Variants in ACSL6 observed in about 807,000 individuals in gnomAD.
ACSL6 encodes the protein acyl-CoA synthetase long chain family member 6, also known as long-chain-fatty-acid--CoA ligase 6.
Under a neutral mutation model 98.2 loss-of-function variants are expected in ACSL6, and 47 were observed. The ratio of observed to expected loss-of-function variants is 0.48; its 90% CI spans 0.38 to 0.61. The LOEUF is 0.61. Among genes scored for constraint, ACSL6 ranks in the 20% least tolerant of loss-of-function variants. The pLI, the probability that ACSL6 is intolerant of heterozygous loss-of-function variation, is 0.00. For synonymous variants in ACSL6, 362 were observed against 336.9 expected (o/e 1.07, Z -0.82); for missense variants, 761 against 913.4 (o/e 0.83, Z 2.15).
rs146877567 is a variant in ACSL6, at chr5:131,959,175, T to A, written c.2031+361A>T. Among the ~76,000 whole-genome samples the A allele has an allele frequency of 2.0e-5, 3 of 152,272 alleles. No individual in the cohort carries two copies. In the East Asian group the frequency reaches 5.8e-4, roughly 29 times the overall value. On this transcript the variant is annotated intron_variant, in intron 20 of 20. Transcript: ENST00000651883. Reference sequence around the variant, plus strand: ...AGTGTCCTCCTAACAAGTAAACTTGTCTGCTGAAGCCAAGAAGACGGTCCC... The same window carrying A: ...AGTGTCCTCCTAACAAGTAAACTTGACTGCTGAAGCCAAGAAGACGGTCCC...
At chr5:131,979,785 G>A (rs1157681426) in intron 9 of ACSL6, among the ~76,000 whole-genome samples, 1 of 152,214 alleles carries the variant, frequency 6.6e-6, no homozygotes, top group Non-Finnish European at 1.5e-5. Context: ...TGCAATGTCA[G>A]TAAGAGATGC....
chr5:131,955,447 C>A (rs1405333295), intron 20 of ACSL6, among the ~76,000 whole-genome samples: 2 of 152,162 alleles, frequency 1.3e-5, no homozygotes, highest in African/African-American at 4.8e-5. Context: ...TCCTAAGAGA[C>A]CCAATATTTA....
At position 131,952,955 on chromosome 5, in the gene ACSL6, A is replaced by T. The variant is rs1169929427; in HGVS notation, c.*1279T>A. ...CTGCCTTGATATTCTTACTGGAAAA[A>T]AAGTGAAATTGTTCAGAATTACAAC... is the stretch of plus-strand genomic sequence containing the variant. On this transcript the variant is annotated 3_prime_UTR_variant, in exon 21 of 21. Transcript: ENST00000651883. 17 of 211,494 alleles carry T rather than the reference A, an allele frequency of 8.0e-5. 1 individual carries two copies. The Admixed American group carries it at 1.0e-3, about 12-fold the overall frequency. 13.1% of individuals were successfully genotyped at this position (211,494 alleles called of 1,614,324 possible).
chr5:131,968,258 T>C, intron 15 of ACSL6: 1 of 483,152 alleles, frequency 2.1e-6, no homozygotes, highest in South Asian at 2.7e-5. Context: ...CGATTCTTAA[T>C]AAGCAGGACA....
intron 1 of ACSL6, among the ~76,000 whole-genome samples, chr5:132,001,065 CA>C (rs1459715777): frequency 6.6e-6 from 1 of 152,230 alleles, no homozygotes; most frequent in Non-Finnish European, 1.5e-5. Context: ...GATCAGCCCA[CA>C]AAGTCACTTC....
chr5:131,971,669 C>A, intron 13 of ACSL6, 24 bp from the exon 14 acceptor site: 1 of 1,580,336 alleles, frequency 6.3e-7, no homozygotes, highest in East Asian at 2.2e-5. Flanking sequence ...GAAGAGCTGC[C>A]AAATTTTGTG....
chr5:132,008,351 T>C (rs557683573), intron 1 of ACSL6, among the ~76,000 whole-genome samples: 1 of 152,362 alleles, frequency 6.6e-6, no homozygotes, highest in Non-Finnish European at 1.5e-5. Context: ...TAGGCATCTA[T>C]AGCCAGGAGC....
intron 20 of ACSL6, 151 bp from the exon 21 acceptor site, chr5:131,954,522 A>G (rs917606438): frequency 5.5e-6 from 5 of 917,056 alleles, no homozygotes; most frequent in Non-Finnish European, 7.6e-6. Context: ...ATTTCAGCCT[A>G]TTTTACGTAT....
intron 1 of ACSL6, among the ~76,000 whole-genome samples, chr5:131,994,911 C>T (rs1469744171): frequency 6.6e-6 from 1 of 152,206 alleles, no homozygotes; most frequent in Non-Finnish European, 1.5e-5. Context: ...GGACAACTGG[C>T]CCCACCATAA....
intron 2 of ACSL6, among the ~76,000 whole-genome samples, chr5:131,992,566 G>A (rs1754582628): frequency 6.6e-6 from 1 of 152,122 alleles, no homozygotes. Flanking sequence ...GACCCACAAG[G>A]TGACTCACTC....
intron 1 of ACSL6, among the ~76,000 whole-genome samples, chr5:132,002,958 A>G (rs995713827): frequency 1.3e-5 from 2 of 152,182 alleles, no homozygotes; most frequent in Non-Finnish European, 2.9e-5. Flanking sequence ...TGGGGATGCA[A>G]AAGTGCCCCA....
At chr5:131,955,133 G>C (rs1454667751) in intron 20 of ACSL6, among the ~76,000 whole-genome samples, 3 of 152,108 alleles carry the variant, frequency 2.0e-5, no homozygotes, top group African/African-American at 7.2e-5. Context: ...GTTTTTGAGG[G>C]TATTTCTAGG....
chr5:131,991,454 C>A (rs1411756082), intron 2 of ACSL6, among the ~76,000 whole-genome samples: 1 of 152,172 alleles, frequency 6.6e-6, no homozygotes, highest in Non-Finnish European at 1.5e-5. Context: ...ACCCATCATT[C>A]ACATAATGAA....
chr5:131,977,102 G>C (rs768495745), intron 9 of ACSL6, among the ~76,000 whole-genome samples: 1 of 152,200 alleles, frequency 6.6e-6, no homozygotes, highest in Non-Finnish European at 1.5e-5. Flanking sequence ...CCCTGGGCCT[G>C]AGTGGGCCTG....
intron 8 of ACSL6, among the ~76,000 whole-genome samples, chr5:131,986,148 T>G (rs1253672421): frequency 6.6e-6 from 1 of 152,190 alleles, no homozygotes; most frequent in African/African-American, 2.4e-5. Flanking sequence ...GAAAGGGTGC[T>G]GAGGGATGGG....
chr5:131,972,974 T>A, intron 12 of ACSL6, 116 bp from the exon 13 acceptor site: 1 of 1,435,882 alleles, frequency 7.0e-7, no homozygotes, highest in Non-Finnish European at 9.5e-7. Context: ...ATTTTGCCCC[T>A]GCAGGAGGTC....
At chr5:132,011,771 C>T (rs918168180), upstream of ACSL6, 5 of 1,350,330 alleles carry the variant, frequency 3.7e-6, no homozygotes, top group Non-Finnish European at 4.8e-6. The surrounding 1 kb of genome is among the most constrained non-coding windows in gnomAD (Gnocchi z 5.4). Context: ...GAGCCTTACT[C>T]CCTGCCCTGC....
intron 17 of ACSL6, among the ~76,000 whole-genome samples, chr5:131,964,938 C>A (rs1752931377): frequency 6.6e-6 from 1 of 152,208 alleles, no homozygotes; most frequent in Admixed American, 6.5e-5. Flanking sequence ...CTCTGCCTCT[C>A]CCGAGGTGAG....
intron 1 of ACSL6, among the ~76,000 whole-genome samples, chr5:132,007,555 C>T (rs956268893): frequency 2.6e-5 from 4 of 152,214 alleles, no homozygotes; most frequent in Admixed American, 2.6e-4. Context: ...CAAGTTGCTT[C>T]ACCACTGAAC....
Sources: gnomAD v4.1 joint callset for allele counts (sites outside exome capture counted in the v4.1 genomes callset) on GRCh38, gnomAD v4.1.1 for gene constraint, Gnocchi (gnomAD v3.1) non-coding constraint, MANE v1.5 for transcripts, NCBI Gene and HGNC (gene_info 2026-07-23, HGNC 2026-07-21) for gene names.